SKAP1: variants seen among roughly 807,000 people sequenced by gnomAD.
The protein encoded by SKAP1 is src kinase-associated phosphoprotein 1.
A neutral mutation model predicts 58.5 loss-of-function variants in SKAP1; 44 were observed. That is an observed-to-expected ratio of 0.75 (90% CI 0.59 to 0.97). The LOEUF is 0.97. SKAP1 is among the 50% of genes least tolerant of loss of function. SKAP1 has a pLI of 0.00. For synonymous variants in SKAP1, 127 were observed against 149.7 expected, an observed-to-expected ratio of 0.85 and a Z score of 1.11; for missense variants, 390 against 435.2, an observed-to-expected ratio of 0.90 and a Z score of 0.92.
intron 6 of SKAP1, 188 bp from the exon 7 acceptor site, chr17:48,185,035 C>T: frequency 1.8e-6 from 1 of 546,376 alleles, no homozygotes; most frequent in South Asian, 2.8e-5. Context: ...ATATCACTGC[C>T]AAGCTAGGGA....
At chr17:48,389,613 AT>A (rs1420187686) in intron 2 of SKAP1, among the ~76,000 whole-genome samples, 1 of 152,220 alleles carries the variant, frequency 6.6e-6, no homozygotes, top group South Asian at 2.1e-4. Context: ...TGTGGGATTG[AT>A]TTTTTTCCCA....
chr17:48,265,072 T>G (rs745861304), intron 4 of SKAP1, among the ~76,000 whole-genome samples: 1 of 152,200 alleles, frequency 6.6e-6, no homozygotes, highest in South Asian at 2.1e-4. Context: ...TGAAACAATA[T>G]ACACTTTTTA....
intron 4 of SKAP1, among the ~76,000 whole-genome samples, chr17:48,240,494 A>G (rs533865726): frequency 1.3e-5 from 2 of 152,340 alleles, no homozygotes; most frequent in Admixed American, 1.3e-4. Flanking sequence ...CCTGAGTTGC[A>G]GCAAATGCCC....
chr17:48,326,426 C>T (rs1262532938), intron 4 of SKAP1, among the ~76,000 whole-genome samples: 3 of 152,154 alleles, frequency 2.0e-5, no homozygotes, highest in South Asian at 2.1e-4. Context: ...ATGGCTCAGG[C>T]GCCTCAATCT....
intron 4 of SKAP1, among the ~76,000 whole-genome samples, chr17:48,289,887 A>AC (rs780903584): frequency 3.2e-4 from 49 of 152,170 alleles, no homozygotes; most frequent in Admixed American, 6.5e-4. Context: ...GTATTTCAGA[A>AC]CATGTACCAT....
chr17:48,315,553 A>G (rs76731113), intron 4 of SKAP1, among the ~76,000 whole-genome samples: 1 of 152,198 alleles, frequency 6.6e-6, no homozygotes, highest in African/African-American at 2.4e-5. Flanking sequence ...CCAACTGTAA[A>G]TTTTTATTAG....
intron 1 of SKAP1, among the ~76,000 whole-genome samples, chr17:48,421,983 C>G (rs1415873801): frequency 6.6e-6 from 1 of 152,174 alleles, no homozygotes; most frequent in Admixed American, 6.5e-5. Context: ...GAGGCTGAGG[C>G]GGGCAGATCA....
chr17:48,139,069 C>A (rs562851402), intron 11 of SKAP1, among the ~76,000 whole-genome samples: 1 of 150,874 alleles, frequency 6.6e-6, no homozygotes. Context: ...TTAGTAAAGA[C>A]GGTGTTTCAC....
intron 2 of SKAP1, 73 bp downstream of exon 2, chr17:48,396,607 G>T (rs1355460024): frequency 2.1e-6 from 2 of 973,198 alleles, no homozygotes; most frequent in African/African-American, 3.3e-5. Flanking sequence ...GTCTTACCTT[G>T]TGACTTTATT....
At chr17:48,240,137 C>T (rs867438553) in intron 4 of SKAP1, among the ~76,000 whole-genome samples, 7 of 150,598 alleles carry the variant, frequency 4.6e-5, no homozygotes, top group East Asian at 1.9e-4. Context: ...GAATAAGGAG[C>T]GAGCCAGCTT....
chr17:48,258,329 C>T (rs2065449086), intron 4 of SKAP1, among the ~76,000 whole-genome samples: 1 of 152,092 alleles, frequency 6.6e-6, no homozygotes, highest in Non-Finnish European at 1.5e-5. Flanking sequence ...ATATGCTTAA[C>T]AAGAACTCAC....
intron 11 of SKAP1, among the ~76,000 whole-genome samples, chr17:48,152,131 A>G (rs1348190552): frequency 3.9e-5 from 6 of 152,228 alleles, no homozygotes; most frequent in African/African-American, 1.4e-4. Context: ...TTTGAGAATC[A>G]ATATGATCTT....
chr17:48,407,486 C>T (rs2067601922), intron 1 of SKAP1, among the ~76,000 whole-genome samples: 1 of 152,132 alleles, frequency 6.6e-6, no homozygotes, highest in African/African-American at 2.4e-5. Context: ...TTTTATATGC[C>T]AGGATTTCAC....
At chr17:48,400,509 C>G (rs1385750511) in intron 1 of SKAP1, among the ~76,000 whole-genome samples, 5 of 152,046 alleles carry the variant, frequency 3.3e-5, no homozygotes, top group African/African-American at 1.2e-4. Flanking sequence ...TGGGATTATT[C>G]TCAGCACTTC....
intron 11 of SKAP1, among the ~76,000 whole-genome samples, chr17:48,158,411 A>G (rs1464174319): frequency 2.0e-5 from 3 of 147,518 alleles, no homozygotes; most frequent in Non-Finnish European, 3.0e-5. Flanking sequence ...AAAAAAAAAG[A>G]AAAGAAATTA....
chr17:48,425,979 T>C (rs1431699906), intron 1 of SKAP1, among the ~76,000 whole-genome samples: 1 of 152,222 alleles, frequency 6.6e-6, no homozygotes, highest in Admixed American at 6.5e-5. Flanking sequence ...AGCCGTAGAC[T>C]GGTTGGCTAA....
chr17:48,428,325 C>T (rs77463459), intron 1 of SKAP1, among the ~76,000 whole-genome samples: 1,692 of 152,272 alleles, frequency 0.011, 25 homozygotes, highest in Non-Finnish European at 0.017. Context: ...CAGAAGTATG[C>T]GACATGCAAT....
In SKAP1 at chr17:48,414,472, T is replaced by C. The variant is rs1424027526; in HGVS notation, c.46+15603A>G. Among the ~76,000 whole-genome samples the C allele has an allele frequency of 2.0e-5, 3 of 152,104 alleles. No individual in the cohort carries two copies. The East Asian group carries it at 5.8e-4, about 29-fold the overall frequency. On this transcript the variant is annotated intron_variant, in intron 1 of 12. Coordinates refer to ENST00000336915, the MANE Select transcript of SKAP1 (RefSeq NM_003726.4). Reference sequence around the variant, plus strand: ...AGGTCAGGAGAAGGGTGGTGAAAGATTAATATGGAGGGCAAGCTTGTAGCA... The same window carrying C: ...AGGTCAGGAGAAGGGTGGTGAAAGACTAATATGGAGGGCAAGCTTGTAGCA...
chr17:48,259,230 A>C (rs2065459061), intron 4 of SKAP1, among the ~76,000 whole-genome samples: 1 of 152,104 alleles, frequency 6.6e-6, no homozygotes, highest in African/African-American at 2.4e-5. Context: ...GATTCGCAAT[A>C]AAATGAAATC....
Sources: allele counts gnomAD v4.1 joint callset (sites outside exome capture counted in the v4.1 genomes callset), GRCh38; gene constraint gnomAD v4.1.1; transcripts MANE v1.5; gene names NCBI Gene and HGNC (gene_info 2026-07-23, HGNC 2026-07-21).